The following ADAP1 variants were observed in gnomAD, a reference collection of about 807,000 sequenced individuals.
ADAP1 encodes the protein ArfGAP with dual PH domains 1.
Under a neutral mutation model 54.9 loss-of-function variants are expected in ADAP1, and 31 were observed. The observed-to-expected ratio is 0.56, with a 90% CI of 0.42 to 0.76. ADAP1 has a LOEUF of 0.76. Ranked by LOEUF, ADAP1 falls within the 30% of genes least tolerant of loss-of-function variation. The pLI is 0.00. For missense variants in ADAP1, 535 were observed against 512.4 expected, an observed-to-expected ratio of 1.04 and a Z score of -0.42; for synonymous variants, 313 against 202.6, an observed-to-expected ratio of 1.55 and a Z score of -4.63.
At chr7:899,673 A>C (rs1269913661) in intron 8 of ADAP1, among the ~76,000 whole-genome samples, 183 bp from the exon 9 acceptor site, 1 of 151,808 alleles carries the variant, frequency 6.6e-6, no homozygotes, top group African/African-American at 2.4e-5. Flanking sequence ...CAGCCTCCAC[A>C]CGGCACCTCC....
intron 1 of ADAP1, among the ~76,000 whole-genome samples, chr7:943,207 TGAGGAGGAGGAAGAGAGAG>T (rs1847021016): frequency 7.3e-5 from 1 of 13,660 alleles, no homozygotes; most frequent in East Asian, 8.8e-4. Flanking sequence ...AGGAAGGGAG[TGAGGAGGAGGAAGAGAGAG>T]GAGGAGGAAG....
Position 940,330 on chromosome 7 carries a change from TCACACACACACACACACACA to T in ADAP1, c.83-4845_83-4826del, listed in dbSNP as rs56715852. Among the ~76,000 whole-genome samples, 11 of 140,610 alleles carry T rather than the reference TCACACACACACACACACACA, an allele frequency of 7.8e-5. 1 individual carries two copies. The highest frequency in any genetic ancestry group is 1.6e-4 in the African/African-American group (6 of 36,844). The allele number at this position is 140,610 out of a possible 152,430, so 92.2% of individuals were successfully genotyped here. Reference sequence around the variant, plus strand: ...TCCAGCCTGGGTGTCACAGACCCTGTCACACACACACACACACACACACACACACACACACACACACACAA... The same window carrying T: ...TCCAGCCTGGGTGTCACAGACCCTGTCACACACACACACACACACACACAA... On this transcript the variant is annotated intron_variant, in intron 1 of 10. Transcript: ENST00000265846.
Position 920,197 on chromosome 7 carries a change from G to A in ADAP1, c.306-147C>T. 1 of 645,296 alleles carries A rather than the reference G, an allele frequency of 1.5e-6. No homozygotes were observed. The highest frequency in any genetic ancestry group is 2.9e-5 in the East Asian group (1 of 34,984). The allele number at this position is 645,296 out of a possible 1,614,324, so 40.0% of individuals were successfully genotyped here. ...CCGCCCCTCTGGGCACAAGATCCCG[G>A]AAGAAATGCAGGGTCAGCCTCCTGC... On this transcript the variant is annotated intron_variant, in intron 3 of 10. Transcript: ENST00000265846. This position sits in a 1 kb window ranked among gnomAD's most constrained non-coding sequence, Gnocchi z 4.5.
chr7:927,621 G>T (rs1481978767), intron 2 of ADAP1: 9 of 387,704 alleles, frequency 2.3e-5, no homozygotes, highest in Non-Finnish European at 3.6e-5. Flanking sequence ...GCAACAAGAG[G>T]CTGGCACCAA....
At chr7:915,689 G>C (rs967865373) in intron 4 of ADAP1, among the ~76,000 whole-genome samples, 4 of 150,038 alleles carry the variant, frequency 2.7e-5, no homozygotes, top group Non-Finnish European at 4.5e-5. Flanking sequence ...CAGTGGGGCA[G>C]GAACAGGATT....
chr7:932,320 C>T (rs1353498543), intron 2 of ADAP1, among the ~76,000 whole-genome samples: 1 of 152,204 alleles, frequency 6.6e-6, no homozygotes, highest in Non-Finnish European at 1.5e-5. Context: ...CAGGACAGCA[C>T]CAAGTTGGCC....
rs1562915089 is a variant in ADAP1, at chr7:906,675, GGACAGGGGACAC to G, written c.389-1515_389-1504del. Among the ~76,000 whole-genome samples the G allele has an allele frequency of 7.7e-5, 7 of 90,888 alleles. No individual in the cohort carries two copies. In the East Asian group the frequency reaches 6.2e-3, roughly 80 times the overall value. The allele number at this position is 90,888 out of a possible 152,430, so 59.6% of individuals were successfully genotyped here. On this transcript the variant is annotated intron_variant, in intron 4 of 10. Coordinates refer to ENST00000265846, the MANE Select transcript of ADAP1 (RefSeq NM_006869.4). ...AGAAAGGGGGCGGGAAAGGGGACAT[GGACAGGGGACAC>G]GGGGGACATGGACATGGGGGACGGG...
Position 920,174 on chromosome 7 carries a change from G to A in ADAP1, c.306-124C>T, listed in dbSNP as rs1475149272. The A allele has an allele frequency of 4.2e-5, 31 of 732,518 alleles. No individual in the cohort carries two copies. Among genetic ancestry groups the A allele is most frequent in the South Asian group, 1.2e-4 (7 of 56,892 alleles). The allele number at this position is 732,518 out of a possible 1,614,324, so 45.4% of individuals were successfully genotyped here. Reference sequence around the variant, plus strand: ...TAGGGACCCCCGGCAGACTCGAGCCGCCCCTCTGGGCACAAGATCCCGGAA... The same window carrying A: ...TAGGGACCCCCGGCAGACTCGAGCCACCCCTCTGGGCACAAGATCCCGGAA... On this transcript the variant is annotated intron_variant, in intron 3 of 10. Coordinates refer to ENST00000265846, the MANE Select transcript of ADAP1 (RefSeq NM_006869.4). The surrounding 1 kb of genome is among the most constrained non-coding windows in gnomAD (Gnocchi z 4.5).
chr7:901,522 G>T, intron 6 of ADAP1: 1 of 158,352 alleles, frequency 6.3e-6, no homozygotes, highest in Non-Finnish European at 1.4e-5. Flanking sequence ...ATCCAGTCAC[G>T]GCTTCTCCAG....
chr7:930,902 C>T (rs1472512813), intron 2 of ADAP1, among the ~76,000 whole-genome samples: 1 of 150,544 alleles, frequency 6.6e-6, no homozygotes, highest in Non-Finnish European at 1.5e-5. Flanking sequence ...ATCACTTGAG[C>T]CTGAAAGTTC....
Position 905,135 on chromosome 7 carries a change from G to A in ADAP1, c.426C>T (p.Asp142=). The A allele has an allele frequency of 6.2e-7, 1 of 1,612,400 alleles. No individual in the cohort carries two copies. The highest frequency in any genetic ancestry group is 2.2e-5 in the East Asian group (1 of 44,880). ...REGFLWKRGR[D]NGQFLSRKFV... is the part of the protein sequence containing the mutation. ...ACTTCCGGCTCAAAAACTGCCCGTTGTCCCGGCCACGCTTCCAGAGAAAAC... is the reference window on the plus strand; with the variant it reads ...ACTTCCGGCTCAAAAACTGCCCGTTATCCCGGCCACGCTTCCAGAGAAAAC... The change falls in exon 5 of 11, where the codon GAC becomes GAT. Residue 142 remains aspartate (D), a synonymous_variant. Coordinates refer to ENST00000265846, the MANE Select transcript of ADAP1 (RefSeq NM_006869.4).
At chr7:937,425 C>A (rs1846805656) in intron 1 of ADAP1, among the ~76,000 whole-genome samples, 1 of 21,736 alleles carries the variant, frequency 4.6e-5, no homozygotes, top group Non-Finnish European at 8.3e-5. Context: ...CGCCCGGCCT[C>A]TGGGATTTGG....
intron 8 of ADAP1, 130 bp from the exon 9 acceptor site, chr7:899,620 C>A: frequency 1.9e-6 from 2 of 1,040,160 alleles, no homozygotes; most frequent in South Asian, 3.2e-5. Context: ...CTCACGCCTG[C>A]CGCTGGCCAC....
intron 4 of ADAP1, among the ~76,000 whole-genome samples, chr7:915,999 C>T (rs758177415): frequency 1.2e-4 from 18 of 152,200 alleles, no homozygotes; most frequent in Non-Finnish European, 1.9e-4. Context: ...GCCACCTGCA[C>T]GCACCCCCAC....
intron 9 of ADAP1, 65 bp from the exon 10 acceptor site, chr7:899,326 G>C: frequency 6.2e-7 from 1 of 1,605,944 alleles, no homozygotes; most frequent in Non-Finnish European, 8.5e-7. Flanking sequence ...ACTCAGGCCA[G>C]GACTCGGGAG....
chr7:903,933 G>T, intron 6 of ADAP1, 193 bp downstream of exon 6: 1 of 650,854 alleles, frequency 1.5e-6, no homozygotes, highest in East Asian at 3.4e-5. Flanking sequence ...GCTGCCCGGC[G>T]CCAGTGCCCA....
Position 926,468 on chromosome 7 carries a change from T to A in ADAP1, c.305+85A>T. On this transcript the variant is annotated intron_variant, in intron 3 of 10. Coordinates refer to ENST00000265846, the MANE Select transcript of ADAP1 (RefSeq NM_006869.4). The surrounding 1 kb of genome is among the most constrained non-coding windows in gnomAD (Gnocchi z 4.6). Reference sequence around the variant, plus strand: ...CCCGACCCTGTGGGCGGCACCCAACTCCCCACCCTGCCGGGTCCTCCCGGG... The same window carrying A: ...CCCGACCCTGTGGGCGGCACCCAACACCCCACCCTGCCGGGTCCTCCCGGG... 1 of 1,239,870 alleles carries A rather than the reference T, an allele frequency of 8.1e-7. No homozygotes were observed. The highest frequency in any genetic ancestry group is 1.1e-6 in the Non-Finnish European group (1 of 918,004). The allele number at this position is 1,239,870 out of a possible 1,614,324, so 76.8% of individuals were successfully genotyped here.
intron 4 of ADAP1, among the ~76,000 whole-genome samples, chr7:918,579 C>G (rs1433795203): frequency 6.6e-6 from 1 of 152,140 alleles, no homozygotes; most frequent in Non-Finnish European, 1.5e-5. Flanking sequence ...GTTGCAGGTC[C>G]GGGCCCTGGG....
rs1554271723 is a variant in ADAP1, at chr7:905,371, GGAAAGGA to G, written c.389-206_389-200del. On this transcript the variant is annotated intron_variant, in intron 4 of 10. Transcript: ENST00000265846. Reference sequence around the variant, plus strand: ...GGAAGATGGGCAGGGAAAGGGAAAGGGAAAGGAGAAAGGAGAAAGGAGAAAGGAGAAA... The same window carrying G: ...GGAAGATGGGCAGGGAAAGGGAAAGGGAAAGGAGAAAGGAGAAAGGAGAAA... 3.7e-3 allele frequency: 225 copies of G among 60,662 alleles called. 25 individuals are homozygous for G. Among genetic ancestry groups the G allele is most frequent in the Non-Finnish European group, 4.3e-3 (162 of 37,468 alleles). 3.8% of individuals were successfully genotyped at this position (60,662 alleles called of 1,614,324 possible).
Sources: gnomAD v4.1 joint callset for allele counts (sites outside exome capture counted in the v4.1 genomes callset) on GRCh38, gnomAD v4.1.1 for gene constraint, Gnocchi (gnomAD v3.1) non-coding constraint, MANE v1.5 for transcripts, NCBI Gene and HGNC (gene_info 2026-07-23, HGNC 2026-07-21) for gene names.